Variants in TRMU observed in about 807,000 individuals in gnomAD.
TRMU encodes the protein tRNA mitochondrial 2-thiouridylase, also known as mitochondrial tRNA-specific 2-thiouridylase 1.
TRMU carries 49 observed loss-of-function variants against 46.9 expected under a neutral mutation model. The observed-to-expected ratio is 1.05, with a 90% CI of 0.83 to 1.33. The LOEUF (loss-of-function observed/expected upper bound fraction) is 1.33. Ranked by LOEUF, TRMU falls within the 40% of genes most tolerant of loss-of-function variation. The pLI is 0.00. For missense variants in TRMU, 572 were observed against 532.4 expected, an observed-to-expected ratio of 1.07 and a Z score of -0.73; for synonymous variants, 241 against 200.9, an observed-to-expected ratio of 1.20 and a Z score of -1.69.
chr22:46,357,255 G>T lies in TRMU; in HGVS notation c.*249G>T, dbSNP rs2078642415. Reference sequence around the variant, plus strand: ...CCGAGTTCCCCTTCACCGCCCCCAGGGAGGGTTTCCCACCTCAGAGTACAC... The same window carrying T: ...CCGAGTTCCCCTTCACCGCCCCCAGTGAGGGTTTCCCACCTCAGAGTACAC... On this transcript the variant is annotated 3_prime_UTR_variant, in exon 11 of 11. Transcript: ENST00000645190. The T allele has an allele frequency of 5.1e-6, 3 of 589,672 alleles. No homozygotes were observed. Among genetic ancestry groups the T allele is most frequent in the Admixed American group, 3.0e-5 (1 of 33,516 alleles). 36.5% of individuals were successfully genotyped at this position (589,672 alleles called of 1,614,324 possible). A position where few individuals can be genotyped will look rare whatever the true frequency, so the allele number is the denominator to read the frequency against.
chr22:46,344,848 A>G (rs530281748), intron 3 of TRMU, among the ~76,000 whole-genome samples: 1 of 152,298 alleles, frequency 6.6e-6, no homozygotes, highest in Admixed American at 6.5e-5. Flanking sequence ...TGTTTTCTCT[A>G]GGAGAACCTC....
At chr22:46,344,120 T>C (rs1172859359) in intron 3 of TRMU, among the ~76,000 whole-genome samples, 2 of 152,248 alleles carry the variant, frequency 1.3e-5, no homozygotes, top group Non-Finnish European at 2.9e-5. Context: ...CAAAGTTTGC[T>C]AACTAGGTTC....
rs2078395660 is a variant in TRMU, at chr22:46,350,754, C to T, written c.651+291C>T. Among the ~76,000 whole-genome samples, 1 of 152,208 alleles carries T rather than the reference C, an allele frequency of 6.6e-6. No homozygotes were observed. The highest frequency in any genetic ancestry group is 1.9e-4 in the East Asian group (1 of 5,178). Reference sequence around the variant, plus strand: ...AGCTGGTGGGGTGCTCTTGGGATGGCCTGCCTGCCAGGTGAGTGCCAGGCA... The same window carrying T: ...AGCTGGTGGGGTGCTCTTGGGATGGTCTGCCTGCCAGGTGAGTGCCAGGCA... On this transcript the variant is annotated intron_variant, in intron 5 of 10. Coordinates refer to ENST00000645190, the MANE Select transcript of TRMU (RefSeq NM_018006.5). This position sits in a 1 kb window ranked among gnomAD's most constrained non-coding sequence, Gnocchi z 4.6.
intron 7 of TRMU, chr22:46,352,551 T>G: frequency 1.6e-6 from 1 of 618,460 alleles, no homozygotes. Context: ...GATGCTGGAG[T>G]TCATGAAAAG....
At chr22:46,343,176 C>T (rs1203857144) in intron 2 of TRMU, 86 bp from the exon 3 acceptor site, 14 of 956,438 alleles carry the variant, frequency 1.5e-5, no homozygotes, top group Middle Eastern at 2.3e-4. Context: ...GGGGAAATTA[C>T]ATTAAACAAG....
chr22:46,340,553 G>A (rs1218575948), intron 2 of TRMU, among the ~76,000 whole-genome samples: 3 of 151,296 alleles, frequency 2.0e-5, no homozygotes, highest in African/African-American at 7.4e-5. Context: ...GCGGAGCTGG[G>A]ATTAAAACCC....
intron 2 of TRMU, among the ~76,000 whole-genome samples, chr22:46,340,730 C>T (rs1182314287): frequency 2.7e-5 from 4 of 150,726 alleles, no homozygotes; most frequent in African/African-American, 7.3e-5. Flanking sequence ...GAATTAGGAG[C>T]GGAGCTGGGA....
At chr22:46,356,404 C>T in intron 10 of TRMU, 1 of 442,896 alleles carries the variant, frequency 2.3e-6, no homozygotes, top group Non-Finnish European at 4.2e-6. Flanking sequence ...CCCCTGTGGG[C>T]CGAGTGTGCA....
At position 46,348,732 on chromosome 22, in the gene TRMU, T is replaced by G. The variant is rs1435527798; in HGVS notation, c.479-1559T>G. Among the ~76,000 whole-genome samples, 1 of 152,250 alleles carries G rather than the reference T, an allele frequency of 6.6e-6. No individual in the cohort carries two copies. The highest frequency in any genetic ancestry group is 2.4e-5 in the African/African-American group (1 of 41,468). On this transcript the variant is annotated intron_variant, in intron 4 of 10. Transcript: ENST00000645190. This position sits in a 1 kb window ranked among gnomAD's most constrained non-coding sequence, Gnocchi z 4.8. ...TTGCTTTTTTGAAAATCATAGATTT[T>G]TAGTTTGTTTTAAAATGACGCAGAA...
At chr22:46,352,562 C>T (rs767643029) in intron 7 of TRMU, 49 of 606,234 alleles carry the variant, frequency 8.1e-5, no homozygotes, top group Non-Finnish European at 3.8e-5. Context: ...TCATGAAAAG[C>T]GCGCCTCTGA....
chr22:46,346,403 T>C lies in TRMU; in HGVS notation c.356-19T>C. 1 of 1,610,206 alleles carries C rather than the reference T, an allele frequency of 6.2e-7. No homozygotes were observed. Among genetic ancestry groups the C allele is most frequent in the Non-Finnish European group, 8.5e-7 (1 of 1,177,814 alleles). ...GTATGAGTCTAAAACCTGATCCTTG[T>C]GTTCTAAAAACCTCACAGGGGCAGA... On this transcript the variant is annotated intron_variant, in intron 3 of 10. Transcript: ENST00000645190.
rs930747499 is a variant in TRMU at position 46,336,976 on chromosome 22, T to C, written c.83-803T>C. Among the ~76,000 whole-genome samples, 1 of 152,156 alleles carries C rather than the reference T, an allele frequency of 6.6e-6. No homozygotes were observed. Among genetic ancestry groups the C allele is most frequent in the African/African-American group, 2.4e-5 (1 of 41,440 alleles). On this transcript the variant is annotated intron_variant, in intron 1 of 10. Coordinates refer to ENST00000645190, the MANE Select transcript of TRMU (RefSeq NM_018006.5). This position sits in a 1 kb window ranked among gnomAD's most constrained non-coding sequence, Gnocchi z 4.1. The stretch of plus-strand genomic sequence containing the variant: ...AGATGGAGATGGAAGGAGAGGAGCC[T>C]GGAGCACGTTTAGCCCTGATTATGG...
intron 3 of TRMU, among the ~76,000 whole-genome samples, chr22:46,345,220 A>G (rs1259145667): frequency 1.3e-5 from 2 of 152,020 alleles, no homozygotes; most frequent in South Asian, 2.1e-4. Context: ...ACAGGTGCCC[A>G]CCAACATGTC....
At position 46,347,060 on chromosome 22, in the gene TRMU, GA is replaced by G. The variant is rs1440983417; in HGVS notation, c.478+522del. 6.6e-6 allele frequency among the ~76,000 whole-genome samples: 1 copy of G among 152,220 alleles called. No homozygotes were observed. Among genetic ancestry groups the G allele is most frequent in the Non-Finnish European group, 1.5e-5 (1 of 68,042 alleles). ...TAGGGAGCCAAGTTTCACCTTTCTAGAAAAAAGTCAATGGCAGACAGTGAGC... is the reference window on the plus strand; with the variant it reads ...TAGGGAGCCAAGTTTCACCTTTCTAGAAAAAGTCAATGGCAGACAGTGAGC... On this transcript the variant is annotated intron_variant, in intron 4 of 10. Transcript: ENST00000645190. The surrounding 1 kb of genome is among the most constrained non-coding windows in gnomAD (Gnocchi z 5.0).
rs931259243 is a variant in TRMU, at chr22:46,349,151, A to C, written c.479-1140A>C. Among the ~76,000 whole-genome samples, 1 of 152,024 alleles carries C rather than the reference A, an allele frequency of 6.6e-6. No individual in the cohort carries two copies. Among genetic ancestry groups the C allele is most frequent in the African/African-American group, 2.4e-5 (1 of 41,406 alleles). On this transcript the variant is annotated intron_variant, in intron 4 of 10. Transcript: ENST00000645190. The surrounding 1 kb of genome is among the most constrained non-coding windows in gnomAD (Gnocchi z 4.6). ...AGACTCCATCTCAAAAAAAAAAAAAAAAGTGGACTCTGGAAAGTGCTCTGC... is the reference window on the plus strand; with the variant it reads ...AGACTCCATCTCAAAAAAAAAAAAACAAGTGGACTCTGGAAAGTGCTCTGC...
At chr22:46,353,938 G>A (rs1443945260) in intron 8 of TRMU, 71 bp downstream of exon 8, 1 of 1,426,110 alleles carries the variant, frequency 7.0e-7, no homozygotes, top group Non-Finnish European at 9.9e-7. Flanking sequence ...CCAGACCAGG[G>A]CTTGAGAAGG....
Position 46,339,659 on chromosome 22 carries a change from C to T in TRMU, c.248+1715C>T, listed in dbSNP as rs2078069985. Among the ~76,000 whole-genome samples, 1 of 151,844 alleles carries T rather than the reference C, an allele frequency of 6.6e-6. No individual in the cohort carries two copies. Among genetic ancestry groups the T allele is most frequent in the African/African-American group, 2.4e-5 (1 of 41,342 alleles). On this transcript the variant is annotated intron_variant, in intron 2 of 10. Transcript: ENST00000645190. This position sits in a 1 kb window ranked among gnomAD's most constrained non-coding sequence, Gnocchi z 4.8. ...ATGTGACCAAATACCAGCTGTTGCC[C>T]AAAAAACCATTGAAATAACAATAAA... is the stretch of plus-strand genomic sequence containing the variant.
Position 46,357,210 on chromosome 22 carries a change from C to T in TRMU, c.*204C>T. ...GCTGGGGCTCTGGCTGCTGGAGCAT[C>T]TGCTGGCTGGTGGGGTGGCCCGAGT... On this transcript the variant is annotated 3_prime_UTR_variant, in exon 11 of 11. Coordinates refer to ENST00000645190, the MANE Select transcript of TRMU (RefSeq NM_018006.5). 1.4e-6 allele frequency: 1 copy of T among 695,048 alleles called. No homozygotes were observed. The highest frequency in any genetic ancestry group is 2.4e-6 in the Non-Finnish European group (1 of 416,902). 43.1% of individuals were successfully genotyped at this position (695,048 alleles called of 1,614,324 possible).
intron 3 of TRMU, among the ~76,000 whole-genome samples, chr22:46,346,020 C>G (rs1388713103): frequency 6.6e-6 from 1 of 152,122 alleles, no homozygotes; most frequent in Non-Finnish European, 1.5e-5. Flanking sequence ...ATCTGCCCGC[C>G]TCGGCCTCCC....
Sources: gnomAD v4.1 joint callset for allele counts (sites outside exome capture counted in the v4.1 genomes callset) on GRCh38, gnomAD v4.1.1 for gene constraint, Gnocchi (gnomAD v3.1) non-coding constraint, MANE v1.5 for transcripts, NCBI Gene and HGNC (gene_info 2026-07-23, HGNC 2026-07-21) for gene names.